Variants in DNAAF10 observed in about 807,000 individuals in gnomAD.
DNAAF10 encodes the protein dynein axonemal assembly factor 10, also known as WD repeat domain 92.
A neutral mutation model predicts 43.7 loss-of-function variants in DNAAF10; 28 were observed. The ratio of observed to expected loss-of-function variants is 0.64; its 90% CI spans 0.48 to 0.88. The LOEUF is 0.88. Among genes scored for constraint, DNAAF10 ranks in the 40% least tolerant of loss-of-function variants. The pLI, the probability that DNAAF10 is intolerant of heterozygous loss-of-function variation, is 0.00. For missense variants in DNAAF10, 403 were observed against 439.1 expected, an observed-to-expected ratio of 0.92 and a Z score of 0.73; for synonymous variants, 156 against 157.3, an observed-to-expected ratio of 0.99 and a Z score of 0.06.
In DNAAF10 at chr2:68,138,727, C is replaced by G; in HGVS notation, c.633+15G>C. 6.3e-7 allele frequency: 1 copy of G among 1,586,700 alleles called. No individual in the cohort carries two copies. Among genetic ancestry groups the G allele is most frequent in the Admixed American group, 1.7e-5 (1 of 59,832 alleles). Reference sequence around the variant, plus strand: ...CATGCTCAGAGAAACCAAAAAGCCTCAGAATGTACTTTACCCCATTTTTGA... The same window carrying G: ...CATGCTCAGAGAAACCAAAAAGCCTGAGAATGTACTTTACCCCATTTTTGA... On this transcript the variant is annotated intron_variant, in intron 5 of 7. Transcript: ENST00000295121.
chr2:68,157,090 A>G lies in DNAAF10; in HGVS notation c.183+171T>C, dbSNP rs1376715347. The G allele has an allele frequency of 7.5e-6, 7 of 934,502 alleles. No individual in the cohort carries two copies. The Admixed American group carries it at 8.7e-5, about 12-fold the overall frequency. 57.9% of individuals were successfully genotyped at this position (934,502 alleles called of 1,614,324 possible). On this transcript the variant is annotated intron_variant, in intron 1 of 7. Transcript: ENST00000295121. ...GAGGAACTACCCCGCGGATGAGAAGAAAGGTTTTAAATAGGAAACATTCCT... is the reference window on the plus strand; with the variant it reads ...GAGGAACTACCCCGCGGATGAGAAGGAAGGTTTTAAATAGGAAACATTCCT...
intron 2 of DNAAF10, 48 bp downstream of exon 2, chr2:68,147,419 A>G (rs772015126): frequency 3.6e-6 from 5 of 1,378,200 alleles, no homozygotes; most frequent in Non-Finnish European, 5.1e-6. Flanking sequence ...GAAACTATCA[A>G]ATAAATTGCC....
intron 6 of DNAAF10, among the ~76,000 whole-genome samples, chr2:68,137,033 A>G (rs1470328337): frequency 6.6e-6 from 1 of 152,226 alleles, no homozygotes; most frequent in Non-Finnish European, 1.5e-5. Flanking sequence ...CAAATTCCTA[A>G]TATCAGCTAG....
chr2:68,146,073 C>T (rs912207908), intron 2 of DNAAF10, among the ~76,000 whole-genome samples: 1 of 152,014 alleles, frequency 6.6e-6, no homozygotes, highest in African/African-American at 2.4e-5. Context: ...ACTAGCCTGG[C>T]CAACATGGCG....
intron 1 of DNAAF10, among the ~76,000 whole-genome samples, chr2:68,154,937 AT>A (rs896346234): frequency 6.6e-6 from 1 of 151,396 alleles, no homozygotes; most frequent in Non-Finnish European, 1.5e-5. Context: ...TAATTTTTGT[AT>A]TTTTTTTATA....
At position 68,138,790 on chromosome 2, in the gene DNAAF10, A is replaced by T. The variant is rs1437569528; in HGVS notation, c.585T>A (p.Phe195Leu). 3 of 1,614,182 alleles carry T rather than the reference A, an allele frequency of 1.9e-6. No individual in the cohort carries two copies. In the Admixed American group the frequency reaches 5.0e-5, roughly 27 times the overall value. The change falls in exon 5 of 8, where the codon TTT becomes TTA. Residue 195 changes from phenylalanine to leucine, a missense_variant. Transcript: ENST00000295121. ...ACCGTAATGCCATATTTCTGAGATC[A>T]AATAGTTTGATATCCCCATTGTCAT... ...AGYDNGDIKL[F>L]DLRNMALRWE...
intron 2 of DNAAF10, among the ~76,000 whole-genome samples, chr2:68,146,919 C>T (rs993909795): frequency 6.6e-6 from 1 of 152,098 alleles, no homozygotes; most frequent in Non-Finnish European, 1.5e-5. Context: ...ATTCATTCCA[C>T]TCTAAATAAG....
chr2:68,155,690 A>AAAC (rs917958168), intron 1 of DNAAF10, among the ~76,000 whole-genome samples: 1 of 151,980 alleles, frequency 6.6e-6, no homozygotes, highest in South Asian at 2.1e-4. Context: ...CGCCATCCCT[A>AAAC]AACAACAACA....
intron 7 of DNAAF10, chr2:68,134,152 G>A (rs761402900): frequency 1.9e-5 from 19 of 984,892 alleles, no homozygotes; most frequent in Non-Finnish European, 2.3e-5. Flanking sequence ...GGCCAACCCT[G>A]AGCAATGATA....
At position 68,129,912 on chromosome 2, in the gene DNAAF10, C is replaced by T. The variant is rs927468342; in HGVS notation, c.*1326G>A. 2 of 151,760 alleles carry T rather than the reference C, an allele frequency of 1.3e-5. No individual in the cohort carries two copies. The highest frequency in any genetic ancestry group is 4.8e-5 in the African/African-American group (2 of 41,320). The allele number at this position is 151,760 out of a possible 1,614,324, so 9.4% of individuals were successfully genotyped here. On this transcript the variant is annotated 3_prime_UTR_variant, in exon 8 of 8. Transcript: ENST00000295121. The stretch of plus-strand genomic sequence containing the variant: ...CATAAAATGCATTTTTAAAGTATGA[C>T]CAAAAATAAGACTACAAAACCCCTA...
Position 68,130,413 on chromosome 2 carries a change from A to G in DNAAF10, c.*825T>C, listed in dbSNP as rs1672905918. On this transcript the variant is annotated 3_prime_UTR_variant, in exon 8 of 8. Coordinates refer to ENST00000295121, the MANE Select transcript of DNAAF10 (RefSeq NM_138458.4). ...CCAAAGTGCTGGAATTACAGGCGTG[A>G]GCTACCACGCCTGGCCCACCATTTT... 1 of 152,040 alleles carries G rather than the reference A, an allele frequency of 6.6e-6. No individual in the cohort carries two copies. The highest frequency in any genetic ancestry group is 2.4e-5 in the African/African-American group (1 of 41,376). 9.4% of individuals were successfully genotyped at this position (152,040 alleles called of 1,614,324 possible).
intron 4 of DNAAF10, among the ~76,000 whole-genome samples, chr2:68,139,158 G>A (rs895000549): frequency 3.3e-5 from 5 of 152,140 alleles, no homozygotes; most frequent in Non-Finnish European, 5.9e-5. Flanking sequence ...TGGGTCATGG[G>A]GCTGGATCCC....
chr2:68,131,695 G>T, intron 7 of DNAAF10: 1 of 417,880 alleles, frequency 2.4e-6, no homozygotes, highest in Admixed American at 3.6e-5. Flanking sequence ...TGCTCAACGT[G>T]TATCTGTATT....
intron 7 of DNAAF10, chr2:68,134,431 A>G (rs1377900528): frequency 8.2e-7 from 1 of 1,223,348 alleles, no homozygotes; most frequent in Non-Finnish European, 1.0e-6. Flanking sequence ...AGTATCTGAT[A>G]AAAGTCTTGG....
At chr2:68,153,745 G>GTT (rs35521976) in intron 1 of DNAAF10, among the ~76,000 whole-genome samples, 1,373 of 78,456 alleles carry the variant, frequency 0.018, 4 homozygotes, top group Non-Finnish European at 0.021. Context: ...ACACAATGAA[G>GTT]TTTTTTTTTT....
chr2:68,136,512 G>C (rs1572917396), intron 6 of DNAAF10, among the ~76,000 whole-genome samples: 1 of 152,228 alleles, frequency 6.6e-6, no homozygotes, highest in South Asian at 2.1e-4. Flanking sequence ...GAATCCACAG[G>C]AGAGAGAGAA....
intron 1 of DNAAF10, among the ~76,000 whole-genome samples, chr2:68,152,506 T>G (rs1213739624): frequency 6.6e-6 from 1 of 152,136 alleles, no homozygotes; most frequent in African/African-American, 2.4e-5. Context: ...GTGAAGCTAA[T>G]TTTTCATAGT....
At chr2:68,145,199 CAGAGCAAGACCCT>C (rs1673285826) in intron 2 of DNAAF10, among the ~76,000 whole-genome samples, 1 of 146,234 alleles carries the variant, frequency 6.8e-6, no homozygotes, top group Non-Finnish European at 1.5e-5. Flanking sequence ...GCCTGGGTGA[CAGAGCAAGACCCT>C]GTTTCAGAAA....
rs1483035598 is a variant in DNAAF10 at position 68,129,805 on chromosome 2, T to G, written c.*1433A>C. 1.3e-5 allele frequency: 2 copies of G among 152,010 alleles called. No individual in the cohort carries two copies. Among genetic ancestry groups the G allele is most frequent in the African/African-American group, 4.8e-5 (2 of 41,402 alleles). The allele number at this position is 152,010 out of a possible 1,614,324, so 9.4% of individuals were successfully genotyped here. A position where few individuals can be genotyped will look rare whatever the true frequency, so the allele number is the denominator to read the frequency against. On this transcript the variant is annotated 3_prime_UTR_variant, in exon 8 of 8. Transcript: ENST00000295121. ...CTAATTAAGCATTTATAAAGCAAAA[T>G]GATGTGACAATGTTAACTTTATTAC...
Sources: gnomAD v4.1 joint callset for allele counts (sites outside exome capture counted in the v4.1 genomes callset) on GRCh38, gnomAD v4.1.1 for gene constraint, MANE v1.5 for transcripts, NCBI Gene and HGNC (gene_info 2026-07-23, HGNC 2026-07-21) for gene names.